Variants in TIAM1 observed in about 807,000 individuals in gnomAD.
TIAM1 encodes rho guanine nucleotide exchange factor TIAM1.
A neutral mutation model predicts 163.5 loss-of-function variants in TIAM1; 65 were observed. The observed-to-expected ratio is 0.40, with a 90% CI of 0.33 to 0.49. The LOEUF (loss-of-function observed/expected upper bound fraction) is 0.49, where lower values mean the gene tolerates loss of function less well. Ranked by LOEUF, TIAM1 falls within the 20% of genes least tolerant of loss-of-function variation. The pLI, the probability that TIAM1 is intolerant of heterozygous loss-of-function variation, is 0.77. For missense variants in TIAM1, 1,789 were observed against 2,044.7 expected, an observed-to-expected ratio of 0.87 and a Z score of 2.41; for synonymous variants, 833 against 810.1, an observed-to-expected ratio of 1.03 and a Z score of -0.48.
intron 2 of TIAM1, among the ~76,000 whole-genome samples, chr21:31,324,824 T>A (rs1601965351): frequency 6.6e-6 from 1 of 152,328 alleles, no homozygotes; most frequent in African/African-American, 2.4e-5. Flanking sequence ...TCTTTAAGTA[T>A]TTCAAAAATG....
chr21:31,410,205 A>AGTAT (rs112024281), intron 2 of TIAM1, among the ~76,000 whole-genome samples: 26,578 of 151,396 alleles, frequency 0.18, 3,541 homozygotes, highest in African/African-American at 0.38. Flanking sequence ...AGTGATTGTG[A>AGTAT]GTGTGTGTGA....
intron 2 of TIAM1, among the ~76,000 whole-genome samples, chr21:31,286,590 G>A (rs2073818849): frequency 6.6e-6 from 1 of 152,226 alleles, no homozygotes; most frequent in Admixed American, 6.5e-5. Context: ...GCATGCACCT[G>A]TAGTCCCAGC....
Position 31,339,263 on chromosome 21 carries a change from CT to C in TIAM1, c.-210del. 1 of 398,460 alleles carries C rather than the reference CT, an allele frequency of 2.5e-6. No individual in the cohort carries two copies. Among genetic ancestry groups the C allele is most frequent in the East Asian group, 3.6e-5 (1 of 28,072 alleles). 24.7% of individuals were successfully genotyped at this position (398,460 alleles called of 1,614,324 possible). A position where few individuals can be genotyped will look rare whatever the true frequency, so the allele number is the denominator to read the frequency against. ...CTTACCCCATTGGAAACAGAAGAGGCTTTGTCAAGATCTCCAAATGGGCCAT... is the reference window on the plus strand; with the variant it reads ...CTTACCCCATTGGAAACAGAAGAGGCTTGTCAAGATCTCCAAATGGGCCAT... On this transcript the variant is annotated 5_prime_UTR_variant, in exon 2 of 28. An upstream open reading frame in the 5' UTR loses its in-frame stop. Coordinates refer to ENST00000541036, the MANE Select transcript of TIAM1 (RefSeq NM_001353694.2).
intron 2 of TIAM1, among the ~76,000 whole-genome samples, chr21:31,321,155 G>T (rs920507860): frequency 5.9e-5 from 9 of 151,872 alleles, no homozygotes; most frequent in Admixed American, 2.6e-4. Context: ...GGCGGGGGGG[G>T]ATGACCTGAG....
chr21:31,387,506 C>A (rs1340186829), intron 2 of TIAM1, among the ~76,000 whole-genome samples: 1 of 151,848 alleles, frequency 6.6e-6, no homozygotes, highest in East Asian at 2.0e-4. Flanking sequence ...AGCCACCGAG[C>A]CTGGCCTGTC....
At chr21:31,349,176 T>C (rs2076195684), upstream of TIAM1, among the ~76,000 whole-genome samples, 1 of 152,230 alleles carries the variant, frequency 6.6e-6, no homozygotes, top group African/African-American at 2.4e-5. Context: ...TTGTTTTCAT[T>C]ACCCCAAATT....
At chr21:31,237,776 T>G (rs2070972379) in intron 6 of TIAM1, among the ~76,000 whole-genome samples, 1 of 152,244 alleles carries the variant, frequency 6.6e-6, no homozygotes, top group Non-Finnish European at 1.5e-5. Flanking sequence ...CCCAAGGCAT[T>G]TAACAGACAA....
chr21:31,190,874 T>G (rs773542684), intron 13 of TIAM1, among the ~76,000 whole-genome samples: 15 of 152,216 alleles, frequency 9.9e-5, no homozygotes, highest in Non-Finnish European at 1.5e-5. Flanking sequence ...AAGCAGCATA[T>G]GATCTGTATT....
intron 8 of TIAM1, among the ~76,000 whole-genome samples, chr21:31,222,319 C>T (rs906085044): frequency 6.6e-6 from 1 of 152,046 alleles, no homozygotes; most frequent in Non-Finnish European, 1.5e-5. Flanking sequence ...AAGTGGGTGT[C>T]GACTTGGAAA....
intron 15 of TIAM1, among the ~76,000 whole-genome samples, chr21:31,179,092 A>T (rs1339226238): frequency 3.3e-5 from 5 of 151,736 alleles, no homozygotes; most frequent in Non-Finnish European, 7.4e-5. Flanking sequence ...AATTTTAAGA[A>T]ATAAAGCAAT....
At chr21:31,174,776 T>C (rs1053164996) in intron 15 of TIAM1, among the ~76,000 whole-genome samples, 2 of 151,962 alleles carry the variant, frequency 1.3e-5, no homozygotes, top group Non-Finnish European at 2.9e-5. Context: ...GCCTCCTGAG[T>C]AGCTGGGATT....
At chr21:31,256,171 T>C (rs535879591) in intron 4 of TIAM1, among the ~76,000 whole-genome samples, 30 of 152,268 alleles carry the variant, frequency 2.0e-4, no homozygotes, top group Non-Finnish European at 3.4e-4. Context: ...TAATGACACA[T>C]TGTGGTAAGG....
At chr21:31,407,849 G>T (rs2077274960) in intron 2 of TIAM1, among the ~76,000 whole-genome samples, 1 of 151,916 alleles carries the variant, frequency 6.6e-6, no homozygotes, top group Non-Finnish European at 1.5e-5. Flanking sequence ...TGTTGGCCAG[G>T]CTGGTTTTGA....
chr21:31,408,501 C>T (rs1042351713), intron 2 of TIAM1, among the ~76,000 whole-genome samples: 1 of 152,172 alleles, frequency 6.6e-6, no homozygotes, highest in African/African-American at 2.4e-5. Context: ...TTTTGAAACA[C>T]TCTTCCTGTT....
intron 13 of TIAM1, among the ~76,000 whole-genome samples, chr21:31,190,067 C>T (rs111277372): frequency 0.017 from 2,568 of 152,144 alleles, 21 homozygotes; most frequent in Middle Eastern, 0.054. Flanking sequence ...TGAGTGGCAA[C>T]TGGAATAATG....
intron 2 of TIAM1, among the ~76,000 whole-genome samples, chr21:31,403,199 G>A (rs1166931546): frequency 6.6e-6 from 1 of 152,104 alleles, no homozygotes; most frequent in Non-Finnish European, 1.5e-5. Flanking sequence ...CCAGGCTGGA[G>A]TGCAGTGGCA....
At chr21:31,458,288 C>T (rs904468613) in intron 2 of TIAM1, among the ~76,000 whole-genome samples, 21 of 151,900 alleles carry the variant, frequency 1.4e-4, no homozygotes, top group African/African-American at 4.8e-4. Context: ...GCATAGGGGG[C>T]GGGCGCCTGT....
intron 2 of TIAM1, among the ~76,000 whole-genome samples, chr21:31,332,791 C>G (rs1009451968): frequency 3.4e-5 from 5 of 148,748 alleles, no homozygotes; most frequent in Admixed American, 6.7e-5. Context: ...CTCCAATGAT[C>G]TACAAAAAAA....
chr21:31,385,876 T>TATTAGTTAATATTATTA (rs1555963513), intron 2 of TIAM1, among the ~76,000 whole-genome samples: 1,272 of 92,378 alleles, frequency 0.014, 21 homozygotes, highest in African/African-American at 0.046. Flanking sequence ...ATATTAATTA[T>TATTAGTTAATATTATTA]ATTAGTTAAT....
Sources: gnomAD v4.1 joint callset for allele counts (sites outside exome capture counted in the v4.1 genomes callset) on GRCh38, gnomAD v4.1.1 for gene constraint, MANE v1.5 for transcripts, NCBI Gene and HGNC (gene_info 2026-07-23, HGNC 2026-07-21) for gene names.